Variants in PRKCB observed in about 807,000 individuals in gnomAD.
The protein encoded by PRKCB is protein kinase C beta type.
PRKCB carries 13 observed loss-of-function variants against 81.5 expected under a neutral mutation model. The observed-to-expected ratio is 0.16, with a 90% CI of 0.10 to 0.25. The LOEUF (loss-of-function observed/expected upper bound fraction) is 0.25. Among genes scored for constraint, PRKCB ranks in the 10% least tolerant of loss-of-function variants. The pLI is 1.00. For synonymous variants in PRKCB, 335 were observed against 321.4 expected (o/e 1.04, Z -0.45); for missense variants, 509 against 875.7 (o/e 0.58, Z 5.29).
intron 12 of PRKCB, among the ~76,000 whole-genome samples, chr16:24,175,994 G>A (rs868016722): frequency 4.9e-4 from 67 of 136,000 alleles, no homozygotes; most frequent in African/African-American, 1.5e-3. Flanking sequence ...AAAAAAAAAA[G>A]GCATGTTAAG....
intron 7 of PRKCB, among the ~76,000 whole-genome samples, chr16:24,108,724 C>G (rs1168893586): frequency 6.6e-6 from 1 of 150,620 alleles, no homozygotes; most frequent in Non-Finnish European, 1.5e-5. Context: ...TAGTACAGAA[C>G]AAAATGAAAA....
chr16:24,089,880 A>G (rs929976535), intron 5 of PRKCB, among the ~76,000 whole-genome samples: 5 of 152,306 alleles, frequency 3.3e-5, no homozygotes, highest in African/African-American at 1.2e-4. Context: ...ATAGCAGTTA[A>G]CATTTATTGA....
intron 9 of PRKCB, among the ~76,000 whole-genome samples, chr16:24,142,642 G>A (rs1224814884): frequency 2.0e-5 from 3 of 152,200 alleles, no homozygotes; most frequent in African/African-American, 7.2e-5. Context: ...GTTCTAATAT[G>A]CAGCAGGGAG....
At chr16:24,134,614 T>C (rs1295167190) in intron 9 of PRKCB, among the ~76,000 whole-genome samples, 1 of 152,160 alleles carries the variant, frequency 6.6e-6, no homozygotes, top group Non-Finnish European at 1.5e-5. Context: ...CCGGGCGTGG[T>C]GGCGCATGCC....
chr16:23,946,882 GT>G (rs1964210190), intron 2 of PRKCB, among the ~76,000 whole-genome samples: 1 of 151,304 alleles, frequency 6.6e-6, no homozygotes, highest in East Asian at 1.9e-4. Flanking sequence ...TTGAGACAGG[GT>G]CTTGTGCCGT....
intron 2 of PRKCB, among the ~76,000 whole-genome samples, chr16:23,899,718 T>C (rs1219412005): frequency 2.5e-5 from 2 of 79,486 alleles, no homozygotes; most frequent in African/African-American, 7.4e-5. Context: ...TGGCTCACTA[T>C]ATTCAAAATC....
intron 2 of PRKCB, among the ~76,000 whole-genome samples, chr16:23,875,780 T>C (rs78781414): frequency 0.19 from 9,599 of 51,604 alleles, 2,853 homozygotes; most frequent in East Asian, 0.62. Context: ...CACATATATG[T>C]GTGTATATCA....
intron 2 of PRKCB, among the ~76,000 whole-genome samples, chr16:23,847,330 A>T (rs1203519714): frequency 3.3e-5 from 1 of 30,322 alleles, no homozygotes; most frequent in East Asian, 1.4e-3. Flanking sequence ...CTATCTATCT[A>T]TCTATCTATC....
At chr16:24,001,899 G>A (rs1234062203) in intron 3 of PRKCB, among the ~76,000 whole-genome samples, 2 of 152,250 alleles carry the variant, frequency 1.3e-5, no homozygotes, top group East Asian at 3.9e-4. Context: ...TCAGGACCAA[G>A]GACCTCAAAG....
rs1375913606 is a variant in PRKCB at position 24,109,600 on chromosome 16, G to A, written c.822-3373G>A. Among the ~76,000 whole-genome samples, 6 of 129,296 alleles carry A rather than the reference G, an allele frequency of 4.6e-5. No individual in the cohort carries two copies. The East Asian group carries it at 6.3e-4, about 14-fold the overall frequency. The allele number at this position is 129,296 out of a possible 152,430, so 84.8% of individuals were successfully genotyped here. On this transcript the variant is annotated intron_variant, in intron 7 of 16. Coordinates refer to ENST00000643927, the MANE Select transcript of PRKCB (RefSeq NM_002738.7). ...TTCCTAGGTGGGATGGCGGCCGGGC[G>A]GAGACGCTCCTCACTTTCCAGACTG...
intron 2 of PRKCB, among the ~76,000 whole-genome samples, chr16:23,852,200 G>A (rs375583543): frequency 7.2e-5 from 11 of 152,304 alleles, no homozygotes; most frequent in African/African-American, 2.6e-4. Context: ...TAGAGGAAAG[G>A]CTTTCAACTT....
chr16:23,975,089 G>C lies in PRKCB; in HGVS notation c.206-13419G>C, dbSNP rs538296832. ...ACCAGAGAAAAGGGAGTGGACGCTG[G>C]GCAGGCAAAGCCAACAGACACTTTT... On this transcript the variant is annotated intron_variant, in intron 2 of 16. Coordinates refer to ENST00000643927, the MANE Select transcript of PRKCB (RefSeq NM_002738.7). 5.3e-5 allele frequency among the ~76,000 whole-genome samples: 8 copies of C among 152,276 alleles called. No individual in the cohort carries two copies. In the South Asian group the frequency reaches 1.7e-3, roughly 32 times the overall value.
chr16:24,133,852 C>T (rs1252654087), intron 9 of PRKCB, among the ~76,000 whole-genome samples: 2 of 151,748 alleles, frequency 1.3e-5, no homozygotes, highest in East Asian at 1.9e-4. Context: ...CTTGCCATCT[C>T]TTCTCCACTT....
At chr16:23,898,664 C>T (rs11644907) in intron 2 of PRKCB, among the ~76,000 whole-genome samples, 40,120 of 152,090 alleles carry the variant, frequency 0.26, 5,922 homozygotes, top group South Asian at 0.54. Context: ...GGCAGAAAAG[C>T]ATCCCAGGCA....
intron 2 of PRKCB, among the ~76,000 whole-genome samples, chr16:23,841,962 A>G (rs963173273): frequency 6.6e-6 from 1 of 151,858 alleles, no homozygotes; most frequent in Non-Finnish European, 1.5e-5. Context: ...GGCCAAATAC[A>G]TATTTTTTAA....
chr16:24,001,003 G>A (rs916471276), intron 3 of PRKCB, among the ~76,000 whole-genome samples: 2 of 129,642 alleles, frequency 1.5e-5, no homozygotes, highest in African/African-American at 6.1e-5. Context: ...TTTTTTTTTT[G>A]GTAACTATTC....
intron 16 of PRKCB, among the ~76,000 whole-genome samples, chr16:24,201,626 C>G (rs1967958571): frequency 6.6e-6 from 1 of 152,166 alleles, no homozygotes; most frequent in Admixed American, 6.5e-5. Flanking sequence ...GGGTCACCAG[C>G]CCCTCTTAGC....
At chr16:24,031,912 G>A (rs1965555318) in intron 3 of PRKCB, 3 of 403,712 alleles carry the variant, frequency 7.4e-6, no homozygotes, top group Non-Finnish European at 1.3e-5. Flanking sequence ...TGAGCATGGG[G>A]CTGCAAAGGG....
chr16:24,117,280 G>A (rs1966746729), intron 8 of PRKCB, among the ~76,000 whole-genome samples: 1 of 152,182 alleles, frequency 6.6e-6, no homozygotes, highest in Admixed American at 6.5e-5. Flanking sequence ...AGAATTTCAT[G>A]GTAGTGTGAG....
Sources: gnomAD v4.1 joint callset for allele counts (sites outside exome capture counted in the v4.1 genomes callset) on GRCh38, gnomAD v4.1.1 for gene constraint, MANE v1.5 for transcripts, NCBI Gene and HGNC (gene_info 2026-07-23, HGNC 2026-07-21) for gene names.